The following DYNLRB1 variants were observed in gnomAD, a reference collection of about 807,000 sequenced individuals.
The protein encoded by DYNLRB1 is ROBL/LC7-like 1.
Under a neutral mutation model 13.5 loss-of-function variants are expected in DYNLRB1, and 6 were observed. The ratio of observed to expected loss-of-function variants is 0.44; its 90% confidence interval spans 0.24 to 0.88. The LOEUF (loss-of-function observed/expected upper bound fraction) is 0.88. Among genes scored for constraint, DYNLRB1 ranks in the 40% least tolerant of loss-of-function variants. The pLI is 0.21. For missense variants in DYNLRB1, 93 were observed against 127.2 expected, an observed-to-expected ratio of 0.73 and a Z score of 1.29; for synonymous variants, 43 against 45.0, an observed-to-expected ratio of 0.96 and a Z score of 0.18.
At chr20:34,516,782 C>A (rs906173867) in intron 1 of DYNLRB1, 2 of 1,550,070 alleles carry the variant, frequency 1.3e-6, no homozygotes, top group African/African-American at 1.4e-5. Flanking sequence ...GCGATGGCAA[C>A]CCTGGCAACG....
Position 34,528,597 on chromosome 20 carries a change from T to C in DYNLRB1, c.79+2254T>C, listed in dbSNP as rs191057701. On this transcript the variant is annotated intron_variant, in intron 2 of 3. Transcript: ENST00000357156. ...ATTTGGTAATTCTTGAGGACTGTGT[T>C]GAGAGGAAATAATCCCAAAGGAAAA... 2.3e-3 allele frequency among the ~76,000 whole-genome samples: 344 copies of C among 152,280 alleles called. 1 individual carries two copies. Among genetic ancestry groups the C allele is most frequent in the Non-Finnish European group, 3.3e-3 (227 of 68,010 alleles).
At chr20:34,534,572 G>A in intron 2 of DYNLRB1, 56 bp from the exon 3 acceptor site, 1 of 1,515,476 alleles carries the variant, frequency 6.6e-7, no homozygotes, top group Non-Finnish European at 8.8e-7. Flanking sequence ...GGTGTGGGTG[G>A]GAGCTCGGCA....
intron 1 of DYNLRB1, among the ~76,000 whole-genome samples, chr20:34,525,819 C>T (rs139004763): frequency 2.0e-5 from 3 of 152,302 alleles, no homozygotes; most frequent in African/African-American, 7.2e-5. Context: ...AGATGCCTGC[C>T]GCAGTCACTG....
intron 2 of DYNLRB1, chr20:34,529,993 A>G: frequency 1.5e-6 from 2 of 1,302,750 alleles, no homozygotes; most frequent in Non-Finnish European, 9.8e-7. Context: ...GGTCCAGGGA[A>G]TCTCTTTTGG....
intron 1 of DYNLRB1, chr20:34,516,698 G>A (rs373031061): frequency 1.3e-6 from 2 of 1,511,646 alleles, no homozygotes; most frequent in East Asian, 5.0e-5. Context: ...CGGGAGCCCA[G>A]CCTCGGCCAG....
Position 34,526,360 on chromosome 20 carries a change from G to A in DYNLRB1, c.79+17G>A, listed in dbSNP as rs57267125. On this transcript the variant is annotated intron_variant, in intron 2 of 3. Coordinates refer to ENST00000357156, the MANE Select transcript of DYNLRB1 (RefSeq NM_014183.4). ...ACACAGAAGGTACGCCCTCCCTCCC[G>A]CCATGACCCGCACCCAGGCAGGCCC... 2.6e-4 allele frequency: 414 copies of A among 1,612,734 alleles called. No individual in the cohort carries two copies. Among genetic ancestry groups the A allele is most frequent in the Admixed American group, 3.5e-4 (21 of 59,810 alleles).
At chr20:34,536,033 C>T in intron 3 of DYNLRB1, 1 of 985,328 alleles carries the variant, frequency 1.0e-6, no homozygotes, top group South Asian at 4.7e-5. Context: ...CAGGAAAGAA[C>T]TATAGAGCCA....
Position 34,535,495 on chromosome 20 carries a change from A to G in DYNLRB1, c.247+700A>G, listed in dbSNP as rs542411588. ...ATGCTCATTCTGGGAGGAGCCCACA[A>G]GGATGGGAGCACAGGAGCGAGCAAC... On this transcript the variant is annotated intron_variant, in intron 3 of 3. Transcript: ENST00000357156. 123 of 745,242 alleles carry G rather than the reference A, an allele frequency of 1.7e-4. No homozygotes were observed. The Middle Eastern group carries it at 2.0e-3, about 12-fold the overall frequency. 46.2% of individuals were successfully genotyped at this position (745,242 alleles called of 1,614,324 possible).
chr20:34,516,710 A>G (rs1458963251), intron 1 of DYNLRB1: 1 of 1,529,690 alleles, frequency 6.5e-7, no homozygotes, highest in Non-Finnish European at 8.8e-7. Flanking sequence ...CTCGGCCAGG[A>G]AGAGATGATG....
At chr20:34,529,745 A>T in intron 2 of DYNLRB1, 4 of 1,068,472 alleles carry the variant, frequency 3.7e-6, no homozygotes, top group Non-Finnish European at 4.8e-6. Context: ...AAAAAAAAAA[A>T]TGTTGATTTC....
At chr20:34,516,688 CG>C (rs1317874371) in intron 1 of DYNLRB1, 1 of 1,494,230 alleles carries the variant, frequency 6.7e-7, no homozygotes, top group Non-Finnish European at 9.0e-7. Context: ...TGACCGGAAG[CG>C]GGAGCCCAGC....
intron 1 of DYNLRB1, chr20:34,516,737 C>T (rs888621436): frequency 5.8e-6 from 9 of 1,543,152 alleles, no homozygotes; most frequent in Middle Eastern, 1.7e-4. Flanking sequence ...GGGTGGGCGG[C>T]GGCCCTGCAG....
At chr20:34,533,499 T>C (rs1600551112) in intron 2 of DYNLRB1, 2 of 985,456 alleles carry the variant, frequency 2.0e-6, no homozygotes, top group Non-Finnish European at 2.4e-6. Context: ...CAGCACAAGC[T>C]GACTTTTTCT....
rs888621436 is a variant in DYNLRB1 at position 34,516,737 on chromosome 20, C to A, written c.3+276C>A. The stretch of plus-strand genomic sequence containing the variant: ...GAGATGATGGGCGAGGGGTGGGCGG[C>A]GGCCCTGCAGCCTAGAGTTTTGGGG... On this transcript the variant is annotated intron_variant, in intron 1 of 3. Coordinates refer to ENST00000357156, the MANE Select transcript of DYNLRB1 (RefSeq NM_014183.4). 1.9e-6 allele frequency: 3 copies of A among 1,543,274 alleles called. No individual in the cohort carries two copies. In the East Asian group the frequency reaches 7.4e-5, roughly 38 times the overall value.
In DYNLRB1 at chr20:34,516,481, T is replaced by C. The variant is rs1600535002; in HGVS notation, c.3+20T>C. ...GAAATGGTGAGCGTGCGCCGGGGTC[T>C]TGTGGCTGGCGGCCGCCCACCACCC... On this transcript the variant is annotated intron_variant, in intron 1 of 3. Transcript: ENST00000357156. 6.2e-7 allele frequency: 1 copy of C among 1,612,842 alleles called. No individual in the cohort carries two copies. The highest frequency in any genetic ancestry group is 1.1e-5 in the South Asian group (1 of 90,952).
intron 2 of DYNLRB1, among the ~76,000 whole-genome samples, chr20:34,532,013 C>T (rs1197220091): frequency 1.3e-5 from 2 of 152,282 alleles, no homozygotes; most frequent in Non-Finnish European, 2.9e-5. Context: ...ACCATTGGGG[C>T]CCAAAGGTGA....
intron 2 of DYNLRB1, among the ~76,000 whole-genome samples, chr20:34,527,503 C>T (rs1980321978): frequency 6.6e-6 from 1 of 152,214 alleles, no homozygotes; most frequent in Non-Finnish European, 1.5e-5. Context: ...TGATTGGGTT[C>T]CCCTGTTGGG....
Position 34,533,548 on chromosome 20 carries a change from C to T in DYNLRB1, c.80-1080C>T, listed in dbSNP as rs560687305. On this transcript the variant is annotated intron_variant, in intron 2 of 3. Transcript: ENST00000357156. ...GTGTGTAGAAGTTTGTGGCCGGGCG[C>T]GGTGGCTCACGCCTGTAATCCCAGC... 1.3e-5 allele frequency: 13 copies of T among 984,956 alleles called. No homozygotes were observed. In the East Asian group the frequency reaches 7.9e-4, roughly 60 times the overall value. 61.0% of individuals were successfully genotyped at this position (984,956 alleles called of 1,614,324 possible).
intron 1 of DYNLRB1, among the ~76,000 whole-genome samples, chr20:34,524,762 C>T (rs1043812309): frequency 2.7e-5 from 4 of 150,326 alleles, no homozygotes; most frequent in Admixed American, 6.6e-5. Flanking sequence ...GAGTCCCAGT[C>T]GCCCATGCTG....
Sources: gnomAD v4.1 joint callset for allele counts (sites outside exome capture counted in the v4.1 genomes callset) on GRCh38, gnomAD v4.1.1 for gene constraint, MANE v1.5 for transcripts, NCBI Gene and HGNC (gene_info 2026-07-23, HGNC 2026-07-21) for gene names.